The following TTN variants were observed in gnomAD, a reference collection of about 807,000 sequenced individuals.
TTN encodes connectin.
A neutral mutation model predicts 3,223.0 loss-of-function variants in TTN; 1,525 were observed. The observed-to-expected ratio is 0.47, with a 90% CI of 0.45 to 0.49. TTN has a LOEUF of 0.49. Among genes scored for constraint, TTN ranks in the 20% least tolerant of loss-of-function variants. The pLI, the probability that TTN is intolerant of heterozygous loss-of-function variation, is 0.00. For synonymous variants in TTN, 14,094 were observed against 15,161.0 expected (o/e 0.93, Z 5.17); for missense variants, 40,786 against 43,424.0 (o/e 0.94, Z 5.40).
chr2:178,760,346 G>A (rs1471615248), intron 43 of TTN, among the ~76,000 whole-genome samples: 4 of 152,218 alleles, frequency 2.6e-5, no homozygotes, highest in South Asian at 2.1e-4. Context: ...CCTGACGAAC[G>A]TGGTGAAACC....
chr2:178,543,157 T>G lies in TTN; in HGVS notation c.96816A>C (p.Gln32272His). Residue 32272 changes from glutamine to histidine, a missense_variant, in exon 347 of 363, where the codon CAA (glutamine) becomes CAC (histidine). By Grantham distance (24) the Gln-to-His change is conservative. Coordinates refer to ENST00000589042, the MANE Select transcript of TTN (RefSeq NM_001267550.2). Reference sequence around the variant, plus strand: ...TTTGTGCCCTTATTCTAAATAAGTATTGTTCACCTTCATTTAAGGAAGTAA... The same window carrying G: ...TTTGTGCCCTTATTCTAAATAAGTAGTGTTCACCTTCATTTAAGGAAGTAA... ...HTVTSLNEGE[Q>H]YLFRIRAQNE... The G allele has an allele frequency of 6.2e-7, 1 of 1,613,510 alleles. No individual in the cohort carries two copies. The highest frequency in any genetic ancestry group is 1.7e-5 in the Admixed American group (1 of 60,002).
At position 178,729,578 on chromosome 2, in the gene TTN, A is replaced by C. The variant is rs769055557; in HGVS notation, c.18590-12T>G. On this transcript the variant is annotated splice_polypyrimidine_tract_variant and intron_variant, in intron 63 of 362. Coordinates refer to ENST00000589042, the MANE Select transcript of TTN (RefSeq NM_001267550.2). ...AAAGGTGGGGGGTTCTAAAGATTCA[A>C]AAGGAAGACAGTAGCTTACTCAAGG... 6.8e-6 allele frequency: 11 copies of C among 1,612,004 alleles called. No individual in the cohort carries two copies. The Admixed American group carries it at 1.8e-4, about 27-fold the overall frequency.
chr2:178,663,497 T>C lies in TTN; in HGVS notation c.36552A>G (p.Glu12184=), dbSNP rs375396058. Residue 12184 remains glutamate, a synonymous_variant, in exon 172 of 363, where the codon GAA becomes GAG. Transcript: ENST00000589042. ...CTGGCACTTTCTTTTCAGGAACAAC[T>C]TCTTTGGGAGCCTCAGGCACTTGAA... ...PPVKVPEAPK[E]VVPEKKVPVP... The C allele has an allele frequency of 6.8e-6, 11 of 1,612,974 alleles. No individual in the cohort carries two copies. In the African/African-American group the frequency reaches 1.5e-4, roughly 22 times the overall value.
chr2:178,741,587 G>A lies in TTN; in HGVS notation c.11646C>T (p.Thr3882=), dbSNP rs754196741. Residue 3882 remains threonine (T), a synonymous_variant, in exon 48 of 363, where the codon ACC becomes ACT. Transcript: ENST00000589042. The stretch of plus-strand genomic sequence containing the variant: ...TATACTCTCCCTCATCCTCCAATTT[G>A]GTGAACAGAATGATCAGGCTATGAT... ...GDDHSLIILF[T]KLEDEGEYTC... 6.2e-7 allele frequency: 1 copy of A among 1,613,694 alleles called. No homozygotes were observed. The highest frequency in any genetic ancestry group is 2.2e-5 in the East Asian group (1 of 44,842).
At chr2:178,794,806 T>G in intron 7 of TTN, 116 bp downstream of exon 7, 1 of 1,405,670 alleles carries the variant, frequency 7.1e-7, no homozygotes, top group South Asian at 1.2e-5. Flanking sequence ...TGCTGCTATA[T>G]TTTTATGTTC....
At position 178,586,516 on chromosome 2, in the gene TTN, T is replaced by C. The variant is rs1275082313; in HGVS notation, c.64385A>G (p.Lys21462Arg). Residue 21462 changes from lysine to arginine, a missense_variant, in exon 308 of 363, where the codon AAA becomes AGA. Transcript: ENST00000589042. ...PREAEGVYEA[K>R]EQLLPPKILM... is the part of the protein sequence containing the mutation. ...CAAAGACTACTTACACAGTTGTTCT[T>C]TGGCTTCATACACTCCTTCAGCTTC... 2 of 1,612,998 alleles carry C rather than the reference T, an allele frequency of 1.2e-6. No individual in the cohort carries two copies. Among genetic ancestry groups the C allele is most frequent in the East Asian group, 2.2e-5 (1 of 44,758 alleles).
Position 178,706,869 on chromosome 2 carries a change from G to A in TTN, c.29127C>T (p.Val9709=), listed in dbSNP as rs769063245. The A allele has an allele frequency of 5.6e-6, 9 of 1,611,722 alleles. No individual in the cohort carries two copies. Among genetic ancestry groups the A allele is most frequent in the East Asian group, 4.5e-5 (2 of 44,868 alleles). Residue 9709 remains valine, a synonymous_variant, in exon 101 of 363, where the codon GTC becomes GTT. Transcript: ENST00000589042. ...FFVSEPQSIR[V]VEKTTATFIA... is the part of the protein sequence containing the mutation. ...CTCATGAAGTGCACTTACTTTCTAC[G>A]ACTCTGATACTCTGAGGTTCTGACA... is the stretch of plus-strand genomic sequence containing the variant.
chr2:178,552,225 T>C lies in TTN; in HGVS notation c.90675A>G (p.Pro30225=). Residue 30225 remains proline, a synonymous_variant, in exon 335 of 363, where the codon CCA becomes CCG. Transcript: ENST00000589042. ...ATCGAATGGGTCCTTTGGGCTTTGA[T>C]GGTGGGCCAAGGGTGATGACTGTAA... The part of the protein sequence containing the change: ...VPITVITLGP[P]SKPKGPIRFD... 1 of 1,613,464 alleles carries C rather than the reference T, an allele frequency of 6.2e-7. No homozygotes were observed. The highest frequency in any genetic ancestry group is 8.5e-7 in the Non-Finnish European group (1 of 1,179,598).
chr2:178,638,475 C>T (rs1300271699), intron 223 of TTN, among the ~76,000 whole-genome samples: 1 of 151,000 alleles, frequency 6.6e-6, no homozygotes, highest in South Asian at 2.1e-4. Context: ...AAAAATTTCT[C>T]TGTCAAACTA....
chr2:178,671,977 G>T lies in TTN; in HGVS notation c.35221C>A (p.Pro11741Thr). ...VEVFEKPKAP[P>T]KGPEISEKII... ...TTTGAAGAATTCCCTATACCTTTAG[G>T]TGGAGCTTTTGGTTTTTCAAATACT... Residue 11741 changes from proline to threonine, a missense_variant, in exon 155 of 363, where the codon CCT becomes ACT. Coordinates refer to ENST00000589042, the MANE Select transcript of TTN (RefSeq NM_001267550.2). The T allele has an allele frequency of 6.3e-7, 1 of 1,599,990 alleles. No individual in the cohort carries two copies. The highest frequency in any genetic ancestry group is 1.2e-5 in the South Asian group (1 of 86,830).
Position 178,736,033 on chromosome 2 carries a change from T to G in TTN, c.14413A>C (p.Thr4805Pro), listed in dbSNP as rs1176268416. Residue 4805 changes from threonine (T) to proline (P), a missense_variant, in exon 50 of 363, where the codon ACA becomes CCA. By Grantham distance (38) the Thr-to-Pro change is conservative. Coordinates refer to ENST00000589042, the MANE Select transcript of TTN (RefSeq NM_001267550.2). ...PTFLSRPKSL[T>P]TFVGKAAKFI... Reference sequence around the variant, plus strand: ...TTGGCTGCCTTACCCACAAAAGTTGTAAGGGACTTAGGTCTGGAGAGAAAG... The same window carrying G: ...TTGGCTGCCTTACCCACAAAAGTTGGAAGGGACTTAGGTCTGGAGAGAAAG... 1.2e-6 allele frequency: 2 copies of G among 1,610,032 alleles called. No homozygotes were observed. Among genetic ancestry groups the G allele is most frequent in the Admixed American group, 3.3e-5 (2 of 59,718 alleles).
At position 178,735,530 on chromosome 2, in the gene TTN, T is replaced by C. The variant is rs1265187179; in HGVS notation, c.14916A>G (p.Ser4972=). ...ASNEAGSSSC[S]ATVTVREPPS... ...TCTTACCTCTGACAGTGACTGTGGC[T>C]GAGCAGGAGCTGCTTCCAGCCTCAT... Residue 4972 remains serine, a synonymous_variant, in exon 50 of 363, where the codon TCA becomes TCG. Transcript: ENST00000589042. 1 of 1,590,074 alleles carries C rather than the reference T, an allele frequency of 6.3e-7. No individual in the cohort carries two copies. Among genetic ancestry groups the C allele is most frequent in the Non-Finnish European group, 8.5e-7 (1 of 1,170,368 alleles).
Position 178,705,321 on chromosome 2 carries a change from C to A in TTN, c.29457G>T (p.Glu9819Asp), listed in dbSNP as rs780561066. The A allele has an allele frequency of 1.2e-5, 19 of 1,607,408 alleles. No individual in the cohort carries two copies. The highest frequency in any genetic ancestry group is 1.5e-5 in the Non-Finnish European group (18 of 1,176,860). Residue 9819 changes from glutamate to aspartate, a missense_variant, in exon 103 of 363, where the codon GAG becomes GAT. Physicochemically the swap from Glu to Asp is conservative, Grantham distance 45. Coordinates refer to ENST00000589042, the MANE Select transcript of TTN (RefSeq NM_001267550.2). Reference sequence around the variant, plus strand: ...TGAGAAGTTCCATGATATCAATTTCCTCTTCTTCTCCAGCTCCTTTCTTTA... The same window carrying A: ...TGAGAAGTTCCATGATATCAATTTCATCTTCTTCTCCAGCTCCTTTCTTTA... The part of the protein sequence containing the change: ...PILKKGAGEE[E>D]EIDIMELLKN...
At position 178,575,805 on chromosome 2, in the gene TTN, G is replaced by A. The variant is rs765987438; in HGVS notation, c.70327C>T (p.Arg23443Trp). Residue 23443 changes from arginine to tryptophan, a missense_variant, in exon 326 of 363, where the codon CGG (arginine) becomes TGG (tryptophan). By Grantham distance (101) the Arg-to-Trp change is moderately radical. Transcript: ENST00000589042. The surrounding 1 kb of genome is among the most constrained non-coding windows in gnomAD (Gnocchi z 4.0). The part of the protein sequence containing the change: ...LDTPGPVLNL[R>W]PTDITKDSVT... ...CTGTCCTTTGTGATGTCTGTAGGCC[G>A]CAGGTTGAGGACTGGGCCTGGCGTG... The A allele has an allele frequency of 3.1e-6, 5 of 1,612,870 alleles. No individual in the cohort carries two copies. Among genetic ancestry groups the A allele is most frequent in the East Asian group, 4.5e-5 (2 of 44,796 alleles).
At chr2:178,686,182 G>A (rs1161348515) in intron 127 of TTN, among the ~76,000 whole-genome samples, 1 of 134,332 alleles carries the variant, frequency 7.4e-6, no homozygotes, top group Admixed American at 8.0e-5. Context: ...GTGCAGTGGC[G>A]GGATCTCGGC....
In TTN at chr2:178,582,950, A is replaced by G; in HGVS notation, c.65853T>C (p.Leu21951=). The change falls in exon 313 of 363, where the codon CTT becomes CTC. Residue 21951 remains leucine (L), a synonymous_variant. Coordinates refer to ENST00000589042, the MANE Select transcript of TTN (RefSeq NM_001267550.2). The part of the protein sequence containing the change: ...SSGSKSATIK[L]KVLDKPGPPA... ...AAGTTTATTAGTTACCTAACACTTT[A>G]AGCTTAATGGTGGCTGATTTAGAAC... The G allele has an allele frequency of 2.0e-6, 3 of 1,526,486 alleles. No individual in the cohort carries two copies. The highest frequency in any genetic ancestry group is 2.6e-6 in the Non-Finnish European group (3 of 1,136,200). 94.6% of individuals were successfully genotyped at this position (1,526,486 alleles called of 1,614,324 possible).
In TTN at chr2:178,669,692, T is replaced by C. The variant is rs1382654852; in HGVS notation, c.35387-17A>G. 1.2e-6 allele frequency: 2 copies of C among 1,607,648 alleles called. No homozygotes were observed. Among genetic ancestry groups the C allele is most frequent in the Non-Finnish European group, 1.7e-6 (2 of 1,176,274 alleles). On this transcript the variant is annotated splice_polypyrimidine_tract_variant and intron_variant, in intron 157 of 362. Transcript: ENST00000589042. The stretch of plus-strand genomic sequence containing the variant: ...CTTCGGGTGCTTTAAAGATATTTAT[T>C]TATCTTATTTTTTCAGAACATTATA...
chr2:178,631,316 A>C lies in TTN; in HGVS notation c.43748-16T>G, dbSNP rs1305672176. On this transcript the variant is annotated splice_polypyrimidine_tract_variant and intron_variant, in intron 236 of 362. Transcript: ENST00000589042. ...GGGTCTCCCTCTGCAAGTAAAGTAT[A>C]AGTGAAAAGCTTTTATTAATCACCT... 1.3e-6 allele frequency: 2 copies of C among 1,591,224 alleles called. No homozygotes were observed. Among genetic ancestry groups the C allele is most frequent in the Non-Finnish European group, 1.7e-6 (2 of 1,173,088 alleles).
At chr2:178,762,173 A>C (rs955294900) in intron 43 of TTN, among the ~76,000 whole-genome samples, 1 of 152,172 alleles carries the variant, frequency 6.6e-6, no homozygotes, top group African/African-American at 2.4e-5. Context: ...TGGCCAGAGG[A>C]AGTTCTGTAA....
Sources: gnomAD v4.1 joint callset for allele counts (sites outside exome capture counted in the v4.1 genomes callset) on GRCh38, gnomAD v4.1.1 for gene constraint, Gnocchi (gnomAD v3.1) non-coding constraint, MANE v1.5 for transcripts, NCBI Gene and HGNC (gene_info 2026-07-23, HGNC 2026-07-21) for gene names.